PLEKHG7: variants seen among roughly 807,000 people sequenced by gnomAD.
PLEKHG7 encodes pleckstrin homology and RhoGEF domain containing G7, also known as pleckstrin homology domain-containing family G member 7.
PLEKHG7 carries 77 observed loss-of-function variants against 85.2 expected under a neutral mutation model. That is an observed-to-expected ratio of 0.90 (90% confidence interval 0.75 to 1.09). The LOEUF (loss-of-function observed/expected upper bound fraction) is 1.09. Ranked by LOEUF, PLEKHG7 falls within the 50% of genes least tolerant of loss-of-function variation. The pLI, the probability that PLEKHG7 is intolerant of heterozygous loss-of-function variation, is 0.00. For synonymous variants in PLEKHG7, 301 were observed against 302.4 expected, an observed-to-expected ratio of 1.00 and a Z score of 0.05; for missense variants, 777 against 804.3, an observed-to-expected ratio of 0.97 and a Z score of 0.41.
chr12:92,740,709 T>C (rs1156555775), intron 7 of PLEKHG7, 144 bp from the exon 8 acceptor site: 1 of 603,646 alleles, frequency 1.7e-6, no homozygotes, highest in East Asian at 2.8e-5. Context: ...TTGTCTTGAG[T>C]ATAACATTTA....
intron 3 of PLEKHG7, among the ~76,000 whole-genome samples, chr12:92,710,545 GAGTA>G (rs1871349289): frequency 6.6e-6 from 1 of 152,176 alleles, no homozygotes; most frequent in South Asian, 2.1e-4. Context: ...CCCATATTCG[GAGTA>G]AGTATCTATC....
rs1873391753 is a variant in PLEKHG7, at chr12:92,770,779, T to TA, written c.*586dup. The TA allele has an allele frequency of 1.3e-5, 2 of 152,102 alleles. No homozygotes were observed. The highest frequency in any genetic ancestry group is 4.8e-5 in the African/African-American group (2 of 41,422). 9.4% of individuals were successfully genotyped at this position (152,102 alleles called of 1,614,324 possible). On this transcript the variant is annotated 3_prime_UTR_variant, in exon 17 of 17. Coordinates refer to ENST00000344636, the MANE Select transcript of PLEKHG7 (RefSeq NM_001377329.1). ...AACTCATCTCAGGTATATAGTACTC[T>TA]AACGTGGAAGTAGAAAATCCCAAAG...
In PLEKHG7 at chr12:92,741,590, A is replaced by G; in HGVS notation, c.1135A>G (p.Lys379Glu). ...ACTGGATTTTATTTCCGTGCTCACA[A>G]AGGTAAACTCCTTCTGGGAGACCTC... ...SSLDFISVLT[K>E]YFRGSLCQSH... Residue 379 changes from lysine (K) to glutamate (E), a missense_variant and splice_region_variant, in exon 9 of 17, where the codon AAG becomes GAG. This residue lies in a region of PLEKHG7 where 520 missense variants were observed against 544.0 expected (regional missense o/e 0.96). Coordinates refer to ENST00000344636, the MANE Select transcript of PLEKHG7 (RefSeq NM_001377329.1). 6.2e-7 allele frequency: 1 copy of G among 1,610,568 alleles called. No individual in the cohort carries two copies. Among genetic ancestry groups the G allele is most frequent in the Non-Finnish European group, 8.5e-7 (1 of 1,177,536 alleles).
intron 3 of PLEKHG7, among the ~76,000 whole-genome samples, chr12:92,709,525 G>T (rs776674972): frequency 6.6e-6 from 1 of 152,194 alleles, no homozygotes; most frequent in Non-Finnish European, 1.5e-5. Flanking sequence ...GGCACCAGGG[G>T]TGGATGTACT....
At position 92,729,228 on chromosome 12, in the gene PLEKHG7, G is replaced by A; in HGVS notation, c.658+108G>A. 4.2e-6 allele frequency: 5 copies of A among 1,180,612 alleles called. No homozygotes were observed. In the South Asian group the frequency reaches 2.2e-4, roughly 52 times the overall value. The allele number at this position is 1,180,612 out of a possible 1,614,324, so 73.1% of individuals were successfully genotyped here. On this transcript the variant is annotated intron_variant, in intron 4 of 16. Coordinates refer to ENST00000344636, the MANE Select transcript of PLEKHG7 (RefSeq NM_001377329.1). ...GAATAATTAGTAGAATATATGCACT[G>A]ACCTGTTACAATCAGCCTCACCAAT...
At chr12:92,764,910 C>A (rs1355655150) in intron 15 of PLEKHG7, among the ~76,000 whole-genome samples, 1 of 152,024 alleles carries the variant, frequency 6.6e-6, no homozygotes, top group African/African-American at 2.4e-5. Context: ...GAGTGGGCGG[C>A]AGTGTTCAGG....
At chr12:92,725,971 G>A (rs1459391173) in intron 3 of PLEKHG7, among the ~76,000 whole-genome samples, 1 of 152,078 alleles carries the variant, frequency 6.6e-6, no homozygotes, top group Non-Finnish European at 1.5e-5. Context: ...GTGGGACTTG[G>A]GGATGAGTAT....
intron 15 of PLEKHG7, among the ~76,000 whole-genome samples, chr12:92,764,413 A>G (rs564617531): frequency 6.6e-6 from 1 of 152,106 alleles, no homozygotes; most frequent in South Asian, 2.1e-4. Context: ...TAGACAAGAG[A>G]CTCTTCAGTT....
In PLEKHG7 at chr12:92,770,474, G is replaced by A. The variant is rs1213863241; in HGVS notation, c.*279G>A. ...TTGTAAGAGGTGTGAGTGAAGAAAG[G>A]TGCTAATTTGTAAAGGGTGAATGAT... On this transcript the variant is annotated 3_prime_UTR_variant, in exon 17 of 17. Transcript: ENST00000344636. 6.4e-6 allele frequency: 2 copies of A among 314,536 alleles called. No individual in the cohort carries two copies. The highest frequency in any genetic ancestry group is 1.2e-5 in the Non-Finnish European group (2 of 172,820). The allele number at this position is 314,536 out of a possible 1,614,324, so 19.5% of individuals were successfully genotyped here.
At chr12:92,758,356 G>T (rs1872893641) in intron 13 of PLEKHG7, among the ~76,000 whole-genome samples, 1 of 152,234 alleles carries the variant, frequency 6.6e-6, no homozygotes, top group Non-Finnish European at 1.5e-5. Flanking sequence ...TGGATGAAGA[G>T]GAAATGAGTA....
At chr12:92,703,342 G>A (rs1871138941) in intron 1 of PLEKHG7, among the ~76,000 whole-genome samples, 1 of 152,174 alleles carries the variant, frequency 6.6e-6, no homozygotes, top group African/African-American at 2.4e-5. Context: ...AAGCTTGGAA[G>A]GTCAAAGGTT....
At chr12:92,724,179 A>T (rs1199095344) in intron 3 of PLEKHG7, among the ~76,000 whole-genome samples, 1 of 152,204 alleles carries the variant, frequency 6.6e-6, no homozygotes, top group Non-Finnish European at 1.5e-5. Context: ...GAAGACCATT[A>T]TAAAACTTTC....
At chr12:92,719,469 C>A (rs79173956) in intron 3 of PLEKHG7, among the ~76,000 whole-genome samples, 3 of 152,288 alleles carry the variant, frequency 2.0e-5, no homozygotes, top group African/African-American at 7.2e-5. Context: ...TACTACCAGA[C>A]AAGGACTATA....
chr12:92,745,550 G>A lies in PLEKHG7; in HGVS notation c.1210G>A (p.Glu404Lys). The part of the protein sequence containing the change: ...LNYSAAIFYL[E>K]SLRQRDDFGI... The stretch of plus-strand genomic sequence containing the variant: ...CTATTCAGCTGCTATCTTTTATCTT[G>A]AGAGCCTGAGGCAGAGAGATGACTT... Residue 404 changes from glutamate to lysine, a missense_variant, in exon 10 of 17, where the codon GAG (glutamate) becomes AAG (lysine). Physicochemically the swap from Glu to Lys is moderately conservative, Grantham distance 56. Coordinates refer to ENST00000344636, the MANE Select transcript of PLEKHG7 (RefSeq NM_001377329.1). The A allele has an allele frequency of 1.2e-6, 2 of 1,613,902 alleles. No individual in the cohort carries two copies. Among genetic ancestry groups the A allele is most frequent in the Non-Finnish European group, 1.7e-6 (2 of 1,179,822 alleles).
chr12:92,740,763 C>A, intron 7 of PLEKHG7, 90 bp from the exon 8 acceptor site: 2 of 793,532 alleles, frequency 2.5e-6, no homozygotes, highest in Non-Finnish European at 4.2e-6. Flanking sequence ...TAAAGTTACA[C>A]CCAGGAGGTT....
chr12:92,724,192 G>C (rs1871729120), intron 3 of PLEKHG7, among the ~76,000 whole-genome samples: 2 of 152,014 alleles, frequency 1.3e-5, no homozygotes, highest in African/African-American at 2.4e-5. Flanking sequence ...AAACTTTCTG[G>C]CTGGATTTGT....
rs549036233 is a variant in PLEKHG7 at position 92,711,979 on chromosome 12, G to A, written c.530+4307G>A. On this transcript the variant is annotated intron_variant, in intron 3 of 16. Coordinates refer to ENST00000344636, the MANE Select transcript of PLEKHG7 (RefSeq NM_001377329.1). The stretch of plus-strand genomic sequence containing the variant: ...TACCTCTTTCTTGGTTTGAGGAGGG[G>A]CCAAATGTAGCAACTTATCTTTCAC... Among the ~76,000 whole-genome samples, 7 of 152,288 alleles carry A rather than the reference G, an allele frequency of 4.6e-5. No homozygotes were observed. In the South Asian group the frequency reaches 8.3e-4, roughly 18 times the overall value.
intron 3 of PLEKHG7, among the ~76,000 whole-genome samples, chr12:92,726,498 A>C (rs1214085895): frequency 1.3e-5 from 2 of 152,216 alleles, no homozygotes; most frequent in Admixed American, 1.3e-4. Context: ...AAACAGAAGA[A>C]ATTGCATCTC....
At chr12:92,739,646 A>G (rs916414561) in intron 7 of PLEKHG7, among the ~76,000 whole-genome samples, 6 of 152,316 alleles carry the variant, frequency 3.9e-5, no homozygotes, top group Non-Finnish European at 7.4e-5. Flanking sequence ...CACAATCAAT[A>G]TGTTTTCCAA....
Sources: gnomAD v4.1 joint callset for allele counts (sites outside exome capture counted in the v4.1 genomes callset) on GRCh38, gnomAD v4.1.1 for gene constraint, gnomAD v4.1.1 regional missense constraint, MANE v1.5 for transcripts, NCBI Gene and HGNC (gene_info 2026-07-23, HGNC 2026-07-21) for gene names.